Variants in PRDM5 observed in about 807,000 individuals in gnomAD.
PRDM5 encodes the protein PR domain zinc finger protein 5.
In PRDM5, 56 loss-of-function variants were observed where a neutral mutation model predicts 81.2. The ratio of observed to expected loss-of-function variants is 0.69; its 90% CI spans 0.56 to 0.86. The LOEUF (loss-of-function observed/expected upper bound fraction) is 0.86. Ranked by LOEUF, PRDM5 falls within the 40% of genes least tolerant of loss-of-function variation. PRDM5 has a pLI of 0.00. For missense variants in PRDM5, 697 were observed against 770.1 expected (o/e 0.91, Z 1.12); for synonymous variants, 267 against 256.4 (o/e 1.04, Z -0.39).
rs371379334 is a variant in PRDM5 at position 120,812,503 on chromosome 4, T to C, written c.866-1054A>G. 1.5e-4 allele frequency: 26 copies of C among 168,918 alleles called. No homozygotes were observed. The East Asian group carries it at 4.5e-3, about 29-fold the overall frequency. The allele number at this position is 168,918 out of a possible 1,614,324, so 10.5% of individuals were successfully genotyped here. On this transcript the variant is annotated intron_variant, in intron 7 of 15. Coordinates refer to ENST00000264808, the MANE Select transcript of PRDM5 (RefSeq NM_018699.4). ...GATGATATCTCACTGTAGTTTTGATTTGCATTTTTTTCTGATGATTAATTT... is the reference window on the plus strand; with the variant it reads ...GATGATATCTCACTGTAGTTTTGATCTGCATTTTTTTCTGATGATTAATTT...
chr4:120,875,183 C>A (rs1388899690), intron 2 of PRDM5, among the ~76,000 whole-genome samples: 4 of 152,220 alleles, frequency 2.6e-5, no homozygotes, highest in Non-Finnish European at 5.9e-5. Context: ...CAATCTTTTC[C>A]ATCTATTTGT....
intron 3 of PRDM5, among the ~76,000 whole-genome samples, chr4:120,846,301 T>C (rs947838046): frequency 6.6e-6 from 1 of 152,158 alleles, no homozygotes; most frequent in Non-Finnish European, 1.5e-5. Flanking sequence ...AAACCTTTTG[T>C]GAAAGGAAAA....
At chr4:120,887,212 G>A (rs1269204915) in intron 2 of PRDM5, among the ~76,000 whole-genome samples, 1 of 152,092 alleles carries the variant, frequency 6.6e-6, no homozygotes, top group Non-Finnish European at 1.5e-5. Context: ...TCAAAGTGCT[G>A]GGATTACAGG....
At chr4:120,760,253 C>A (rs1745405009) in intron 13 of PRDM5, among the ~76,000 whole-genome samples, 1 of 152,150 alleles carries the variant, frequency 6.6e-6, no homozygotes, top group Non-Finnish European at 1.5e-5. Context: ...TAGATTCCAG[C>A]ATTCTTTTGG....
chr4:120,760,535 T>C (rs903543664), intron 13 of PRDM5, among the ~76,000 whole-genome samples: 2 of 152,154 alleles, frequency 1.3e-5, no homozygotes, highest in African/African-American at 4.8e-5. Flanking sequence ...CAGAATAAAA[T>C]ATTTTTCATT....
intron 2 of PRDM5, among the ~76,000 whole-genome samples, chr4:120,880,567 T>C (rs1479426201): frequency 6.6e-6 from 1 of 152,182 alleles, no homozygotes; most frequent in Non-Finnish European, 1.5e-5. Flanking sequence ...TTTTACCTTC[T>C]TCAAAATCTT....
chr4:120,815,682 C>CA (rs1350224963), intron 7 of PRDM5, among the ~76,000 whole-genome samples: 4 of 152,036 alleles, frequency 2.6e-5, no homozygotes, highest in Non-Finnish European at 4.4e-5. Flanking sequence ...AAGTCAAGGG[C>CA]AAAAATAAAC....
At chr4:120,709,566 T>C (rs1316538937) in intron 15 of PRDM5, among the ~76,000 whole-genome samples, 1 of 152,178 alleles carries the variant, frequency 6.6e-6, no homozygotes, top group Admixed American at 6.5e-5. Flanking sequence ...ATCTAAGTTC[T>C]GGAATTTCCC....
In PRDM5 at chr4:120,922,540, G is replaced by A. The variant is rs867565893; in HGVS notation, c.69C>T (p.Leu23=). The stretch of plus-strand genomic sequence containing the variant: ...CCTTTCGCACTCTGCGGGCCGTGTA[G>A]AGCCCCATGCCGTCCTGAACCCGGG... ...KSSRVQDGMG[L]YTARRVRKGE... is the part of the protein sequence containing the mutation. The change falls in exon 1 of 16, where the codon CTC becomes CTT. Residue 23 remains leucine, a synonymous_variant. Coordinates refer to ENST00000264808, the MANE Select transcript of PRDM5 (RefSeq NM_018699.4). 2.5e-6 allele frequency: 4 copies of A among 1,610,036 alleles called. No individual in the cohort carries two copies. In the Middle Eastern group the frequency reaches 5.0e-4, roughly 201 times the overall value.
chr4:120,893,394 G>A (rs1272903924), intron 2 of PRDM5, among the ~76,000 whole-genome samples: 1 of 152,146 alleles, frequency 6.6e-6, no homozygotes, highest in Non-Finnish European at 1.5e-5. Context: ...GTATTCACCA[G>A]CCCTTTTGTT....
chr4:120,711,773 CT>C (rs1314211890), intron 14 of PRDM5, among the ~76,000 whole-genome samples: 2 of 152,116 alleles, frequency 1.3e-5, no homozygotes, highest in African/African-American at 2.4e-5. Flanking sequence ...CCTTAGCCTT[CT>C]TTGATACCAG....
At chr4:120,876,718 T>C (rs1183229155) in intron 2 of PRDM5, among the ~76,000 whole-genome samples, 1 of 152,182 alleles carries the variant, frequency 6.6e-6, no homozygotes, top group Non-Finnish European at 1.5e-5. Flanking sequence ...AGAGATACAT[T>C]TGATGAAAAA....
chr4:120,774,902 A>ATATATATGTATATGTATATG lies in PRDM5; in HGVS notation c.1537+2285_1537+2286insCATATACATATACATATATA, dbSNP rs1553963976. Among the ~76,000 whole-genome samples, 899 of 146,042 alleles carry ATATATATGTATATGTATATG rather than the reference A, an allele frequency of 6.2e-3. 15 individuals are homozygous for ATATATATGTATATGTATATG. Among genetic ancestry groups the ATATATATGTATATGTATATG allele is most frequent in the African/African-American group, 0.021 (831 of 39,924 alleles). On this transcript the variant is annotated intron_variant, in intron 13 of 15. Transcript: ENST00000264808. ...TCTCTCTCTTTCTATATATATATAT[A>ATATATATGTATATGTATATG]TATATGTATATGTATATGTATATAT...
intron 13 of PRDM5, among the ~76,000 whole-genome samples, chr4:120,770,684 T>G (rs774603319): frequency 6.6e-6 from 1 of 152,108 alleles, no homozygotes; most frequent in Non-Finnish European, 1.5e-5. Flanking sequence ...AAAAAAAAAT[T>G]AGATAATTTC....
In PRDM5 at chr4:120,853,447, G is replaced by A. The variant is rs1759513866; in HGVS notation, c.271C>T (p.Gln91Ter). ...ATGGCAGCCAAGTTCTTCTGCTCCT[G>A]AGATGGTGCCTCATGAACGAAGCGA... ...WLRFVHEAPS[Q>*]EQKNLAAIQE... The change falls in exon 3 of 16, where the codon CAG becomes TAG. Residue 91 changes from glutamine to a stop codon, truncating the protein, a stop_gained. Transcript: ENST00000264808. LOFTEE classifies it high-confidence loss of function. 1 of 1,613,660 alleles carries A rather than the reference G, an allele frequency of 6.2e-7. No individual in the cohort carries two copies. Among genetic ancestry groups the A allele is most frequent in the Non-Finnish European group, 8.5e-7 (1 of 1,179,752 alleles).
Position 120,832,661 on chromosome 4 carries a change from G to C in PRDM5, c.301-11316C>G, listed in dbSNP as rs116316177. On this transcript the variant is annotated intron_variant, in intron 3 of 15. Coordinates refer to ENST00000264808, the MANE Select transcript of PRDM5 (RefSeq NM_018699.4). ...TTGCTCACTGAAGGCTATCAACAAAGTATCTGCTGAATTGAATCAAATATG... is the reference window on the plus strand; with the variant it reads ...TTGCTCACTGAAGGCTATCAACAAACTATCTGCTGAATTGAATCAAATATG... 7.6e-3 allele frequency among the ~76,000 whole-genome samples: 1,160 copies of C among 152,104 alleles called. 15 individuals carry two copies. The highest frequency in any genetic ancestry group is 0.027 in the African/African-American group (1,111 of 41,482).
intron 14 of PRDM5, among the ~76,000 whole-genome samples, chr4:120,735,345 A>G (rs1349641325): frequency 6.6e-6 from 1 of 152,204 alleles, no homozygotes. Context: ...AATCCTTTCA[A>G]ATGAAACTCT....
intron 3 of PRDM5, among the ~76,000 whole-genome samples, chr4:120,842,365 A>G (rs190049773): frequency 2.2e-4 from 33 of 152,332 alleles, no homozygotes; most frequent in African/African-American, 7.7e-4. Context: ...GTTATTTTAA[A>G]GGAAACAGAT....
chr4:120,818,927 T>C (rs1754902176), intron 4 of PRDM5, among the ~76,000 whole-genome samples: 2 of 152,178 alleles, frequency 1.3e-5, no homozygotes, highest in Non-Finnish European at 2.9e-5. Flanking sequence ...CCAAGGAGAA[T>C]CTCACATACA....
Sources: gnomAD v4.1 joint callset for allele counts (sites outside exome capture counted in the v4.1 genomes callset) on GRCh38, gnomAD v4.1.1 for gene constraint, MANE v1.5 for transcripts, NCBI Gene and HGNC (gene_info 2026-07-23, HGNC 2026-07-21) for gene names.